Variants in SYNE2 observed in about 807,000 individuals in gnomAD.
SYNE2 encodes nesprin-2.
A neutral mutation model predicts 856.3 loss-of-function variants in SYNE2; 431 were observed. The observed-to-expected ratio is 0.50, with a 90% confidence interval of 0.47 to 0.55. The LOEUF (loss-of-function observed/expected upper bound fraction) is 0.55, where lower values mean the gene tolerates loss of function less well. Among genes scored for constraint, SYNE2 ranks in the 20% least tolerant of loss-of-function variants. SYNE2 has a pLI of 0.00. For missense variants in SYNE2, 8,129 were observed against 8,023.2 expected (o/e 1.01, Z -0.50); for synonymous variants, 2,923 against 2,872.3 (o/e 1.02, Z -0.56).
At chr14:64,038,330 C>T (rs1297716294) in intron 45 of SYNE2, among the ~76,000 whole-genome samples, 6 of 152,084 alleles carry the variant, frequency 3.9e-5, no homozygotes, top group South Asian at 2.1e-4. Flanking sequence ...AGATGGCGGC[C>T]GGGCAGAGAC....
At chr14:63,874,347 G>A (rs1015534596) in intron 1 of SYNE2, among the ~76,000 whole-genome samples, 2 of 152,112 alleles carry the variant, frequency 1.3e-5, no homozygotes, top group Admixed American at 6.6e-5. Flanking sequence ...CCTACTGAAC[G>A]CTGTGGCTCT....
At position 64,024,385 on chromosome 14, in the gene SYNE2, C is replaced by G; in HGVS notation, c.5766C>G (p.Phe1922Leu). The change falls in exon 39 of 116, where the codon TTC (phenylalanine) becomes TTG (leucine). Residue 1922 changes from phenylalanine (F) to leucine (L), a missense_variant. Physicochemically the swap from Phe to Leu is conservative, Grantham distance 22 (BLOSUM62 0). Transcript: ENST00000555002. Reference sequence around the variant, plus strand: ...TCAGTTGGCTCGTGGGTCAGGAATTCGAATTAGAAAAAATGGAGTCCATAT... The same window carrying G: ...TCAGTTGGCTCGTGGGTCAGGAATTGGAATTAGAAAAAATGGAGTCCATAT... ...ELISWLVGQE[F>L]ELEKMESICQ... is the part of the protein sequence containing the mutation. 6.2e-7 allele frequency: 1 copy of G among 1,614,016 alleles called. No individual in the cohort carries two copies. The highest frequency in any genetic ancestry group is 8.5e-7 in the Non-Finnish European group (1 of 1,179,998).
At chr14:64,089,456 G>C in intron 58 of SYNE2, 118 bp from the exon 59 acceptor site, 4 of 858,504 alleles carry the variant, frequency 4.7e-6, no homozygotes, top group Non-Finnish European at 7.2e-6. Context: ...TTTTTCAGAG[G>C]TATAGATGGC....
rs186276021 is a variant in SYNE2, at chr14:64,036,623, C to T, written c.7221+5266C>T. Among the ~76,000 whole-genome samples the T allele has an allele frequency of 5.5e-4, 84 of 152,222 alleles. 1 individual carries two copies. The highest frequency in any genetic ancestry group is 9.9e-4 in the Non-Finnish European group (67 of 67,996). On this transcript the variant is annotated intron_variant, in intron 45 of 115. Coordinates refer to ENST00000555002, the MANE Select transcript of SYNE2 (RefSeq NM_182914.3). Reference sequence around the variant, plus strand: ...CTATTGTTCTTGACAGATGTTTGGTCAACAACTGCTACATTGACAGGCCCT... The same window carrying T: ...CTATTGTTCTTGACAGATGTTTGGTTAACAACTGCTACATTGACAGGCCCT...
chr14:63,872,455 A>G (rs1366901602), intron 1 of SYNE2, among the ~76,000 whole-genome samples: 1 of 150,708 alleles, frequency 6.6e-6, no homozygotes, highest in African/African-American at 2.4e-5. Context: ...GACAAGAAAA[A>G]TCCAACAAGA....
chr14:63,814,857 TATATATCTCTCC>T (rs1449936442), intron 1 of SYNE2, among the ~76,000 whole-genome samples: 56 of 119,186 alleles, frequency 4.7e-4, no homozygotes, highest in African/African-American at 8.7e-4. Flanking sequence ...TATATATCCA[TATATATCTCTCC>T]ATATATATCC....
rs1377841401 is a variant in SYNE2 at position 64,225,701 on chromosome 14, G to A, written c.*175G>A. 8 of 727,676 alleles carry A rather than the reference G, an allele frequency of 1.1e-5. No individual in the cohort carries two copies. The Admixed American group carries it at 1.8e-4, about 16-fold the overall frequency. The allele number at this position is 727,676 out of a possible 1,614,324, so 45.1% of individuals were successfully genotyped here. The stretch of plus-strand genomic sequence containing the variant: ...GAGCCCAGGGCAGCTTTCAGATTGT[G>A]TTCCTCCCCAGGAGCAGGGAACCTG... On this transcript the variant is annotated 3_prime_UTR_variant, in exon 116 of 116. Coordinates refer to ENST00000555002, the MANE Select transcript of SYNE2 (RefSeq NM_182914.3).
At chr14:64,119,284 T>C in intron 66 of SYNE2, 143 bp from the exon 67 acceptor site, 1 of 1,005,686 alleles carries the variant, frequency 9.9e-7, no homozygotes, top group South Asian at 1.6e-5. Flanking sequence ...TGGAAGTTTT[T>C]GTTTTTCCAG....
intron 37 of SYNE2, among the ~76,000 whole-genome samples, chr14:64,022,270 A>C (rs1449197551): frequency 6.6e-6 from 1 of 152,184 alleles, no homozygotes; most frequent in Non-Finnish European, 1.5e-5. Flanking sequence ...CTAAGGTCCT[A>C]GTGTTTGACC....
intron 12 of SYNE2, 37 bp from the exon 13 acceptor site, chr14:63,977,868 A>G: frequency 1.5e-6 from 2 of 1,375,680 alleles, no homozygotes; most frequent in Non-Finnish European, 2.1e-6. Flanking sequence ...GTGTTTGGCA[A>G]TAAGTATCGT....
intron 47 of SYNE2, among the ~76,000 whole-genome samples, chr14:64,050,422 A>AAT (rs1023425231): frequency 2.0e-5 from 3 of 152,240 alleles, no homozygotes; most frequent in African/African-American, 7.2e-5. Flanking sequence ...TAATTTATAT[A>AAT]ATTGAATATG....
At chr14:63,998,882 A>G in intron 26 of SYNE2, 32 bp from the exon 27 acceptor site, 1 of 1,612,568 alleles carries the variant, frequency 6.2e-7, no homozygotes, top group Non-Finnish European at 8.5e-7. Context: ...TTAAAAATTA[A>G]CTATTGTGAT....
At chr14:63,898,292 C>T (rs1017498352) in intron 1 of SYNE2, among the ~76,000 whole-genome samples, 2 of 152,150 alleles carry the variant, frequency 1.3e-5, no homozygotes, top group African/African-American at 2.4e-5. Context: ...GTCCTGGGAA[C>T]GTCCCTTTAT....
chr14:64,051,420 A>T (rs1455037287), intron 47 of SYNE2, 137 bp from the exon 48 acceptor site: 2 of 802,712 alleles, frequency 2.5e-6, no homozygotes, highest in South Asian at 1.9e-5. Context: ...TATTTTAAGG[A>T]TAGATTATTT....
intron 96 of SYNE2, 126 bp downstream of exon 96, chr14:64,177,609 ATCTG>A (rs2098440874): frequency 1.6e-6 from 2 of 1,271,060 alleles, no homozygotes; most frequent in Admixed American, 1.7e-5. Flanking sequence ...TATTTTCCCG[ATCTG>A]TCTAACATAA....
At chr14:64,163,676 T>C in intron 89 of SYNE2, 95 bp downstream of exon 89, 4 of 1,447,152 alleles carry the variant, frequency 2.8e-6, no homozygotes, top group Non-Finnish European at 3.8e-6. Flanking sequence ...CTTTACGGGC[T>C]GCTCCTTAGC....
In SYNE2 at chr14:64,126,692, A is replaced by G. The variant is rs750847278; in HGVS notation, c.13802A>G (p.Asn4601Ser). The G allele has an allele frequency of 6.2e-7, 1 of 1,614,240 alleles. No homozygotes were observed. Among genetic ancestry groups the G allele is most frequent in the Non-Finnish European group, 8.5e-7 (1 of 1,180,044 alleles). ...KAMTWPGENT[N>S]LLLECFDNLQ... ...ATGACTTGGCCTGGCGAGAACACCA[A>G]CTTGCTCCTTGAATGTTTTGACAAC... The change falls in exon 73 of 116, where the codon AAC becomes AGC. Residue 4601 changes from asparagine to serine, a missense_variant. Transcript: ENST00000555002.
intron 30 of SYNE2, among the ~76,000 whole-genome samples, chr14:64,003,792 C>G (rs937050567): frequency 6.6e-6 from 1 of 152,082 alleles, no homozygotes; most frequent in Non-Finnish European, 1.5e-5. Flanking sequence ...AGGGTAGGAA[C>G]TGAGTGGAAG....
rs1257732549 is a variant in SYNE2, at chr14:64,168,889, G to A, written c.16918G>A (p.Glu5640Lys). The change falls in exon 93 of 116, where the codon GAA (glutamate) becomes AAA (lysine). Residue 5640 changes from glutamate to lysine, a missense_variant. Glu to Lys is a moderately conservative substitution (Grantham distance 56). This residue lies in a region of SYNE2 where 5,410 missense variants were observed against 5,284.8 expected (regional missense o/e 1.02). Coordinates refer to ENST00000555002, the MANE Select transcript of SYNE2 (RefSeq NM_182914.3). The part of the protein sequence containing the change: ...QQKTYKMLEA[E>K]VSINQTIADS... Reference sequence around the variant, plus strand: ...GACTCATATACAGATGTTAGAAGCTGAAGTTTCTATAAACCAGACAATTGC... The same window carrying A: ...GACTCATATACAGATGTTAGAAGCTAAAGTTTCTATAAACCAGACAATTGC... The A allele has an allele frequency of 5.0e-6, 8 of 1,612,842 alleles. No homozygotes were observed. The highest frequency in any genetic ancestry group is 1.3e-5 in the African/African-American group (1 of 75,020).
Sources: allele counts gnomAD v4.1 joint callset (sites outside exome capture counted in the v4.1 genomes callset), GRCh38; gene constraint gnomAD v4.1.1; regional missense constraint gnomAD v4.1.1; transcripts MANE v1.5; gene names NCBI Gene and HGNC (gene_info 2026-07-23, HGNC 2026-07-21).